The following RNF157 variants were observed in gnomAD, a reference collection of about 807,000 sequenced individuals.
The protein encoded by RNF157 is ring finger protein 157, also known as E3 ubiquitin ligase RNF157.
Under a neutral mutation model 88.3 loss-of-function variants are expected in RNF157, and 55 were observed. The observed-to-expected ratio is 0.62, with a 90% CI of 0.50 to 0.78. RNF157 has a LOEUF of 0.78. Ranked by LOEUF, RNF157 falls within the 30% of genes least tolerant of loss-of-function variation. The pLI is 0.00. For synonymous variants in RNF157, 334 were observed against 341.2 expected, an observed-to-expected ratio of 0.98 and a Z score of 0.23; for missense variants, 788 against 860.8, an observed-to-expected ratio of 0.92 and a Z score of 1.06.
intron 1 of RNF157, among the ~76,000 whole-genome samples, chr17:76,217,906 C>T (rs1005909127): frequency 6.6e-6 from 1 of 151,956 alleles, no homozygotes; most frequent in Non-Finnish European, 1.5e-5. Context: ...ATACGTAAAC[C>T]GTAAGGTATG....
At chr17:76,231,246 C>G (rs1163312972) in intron 1 of RNF157, among the ~76,000 whole-genome samples, 1 of 152,200 alleles carries the variant, frequency 6.6e-6, no homozygotes, top group Non-Finnish European at 1.5e-5. Flanking sequence ...ATCCGCCCGC[C>G]TCGGCCTCCC....
In RNF157 at chr17:76,167,014, C is replaced by T. The variant is rs2068937042; in HGVS notation, c.556G>A (p.Glu186Lys). 6.2e-7 allele frequency: 1 copy of T among 1,606,332 alleles called. No homozygotes were observed. Among genetic ancestry groups the T allele is most frequent in the Non-Finnish European group, 8.5e-7 (1 of 1,178,726 alleles). ...CCTCCCCAGAGGCAGCTCACCTCCT[C>T]TTCGGCCCACTCGGAGGGATCCACG... ...HTVDPSEWAE[E>K]ELGFDLDREV... The change falls in exon 5 of 19, where the codon GAG (glutamate) becomes AAG (lysine). Residue 186 changes from glutamate (E) to lysine (K), a missense_variant. Coordinates refer to ENST00000269391, the MANE Select transcript of RNF157 (RefSeq NM_052916.3).
chr17:76,198,887 T>C (rs1391607798), intron 2 of RNF157, among the ~76,000 whole-genome samples: 1 of 152,234 alleles, frequency 6.6e-6, no homozygotes, highest in African/African-American at 2.4e-5. Flanking sequence ...ATGCCACACC[T>C]GCTTATGCTG....
intron 1 of RNF157, among the ~76,000 whole-genome samples, chr17:76,216,099 A>G (rs1472784511): frequency 6.6e-6 from 1 of 152,218 alleles, no homozygotes; most frequent in African/African-American, 2.4e-5. Flanking sequence ...TAAAATTGGA[A>G]AAGTTAAAGA....
Position 76,164,774 on chromosome 17 carries a change from C to A in RNF157, c.694G>T (p.Val232Phe), listed in dbSNP as rs765545866. Residue 232 changes from valine to phenylalanine, a missense_variant, in exon 8 of 19, where the codon GTC becomes TTC. Physicochemically the swap from Val to Phe is conservative, Grantham distance 50. Coordinates refer to ENST00000269391, the MANE Select transcript of RNF157 (RefSeq NM_052916.3). ...ACTTGTTTCTGTTTGAGGGGCTTGACACAGAAAGTTCCATCTGTGTGCTGG... is the reference window on the plus strand; with the variant it reads ...ACTTGTTTCTGTTTGAGGGGCTTGAAACAGAAAGTTCCATCTGTGTGCTGG... Reference protein sequence around the residue: ...FEKHTDGTFCVKPLKQKQVVD... With the variant: ...FEKHTDGTFCFKPLKQKQVVD... 1 of 1,611,626 alleles carries A rather than the reference C, an allele frequency of 6.2e-7. No individual in the cohort carries two copies. Among genetic ancestry groups the A allele is most frequent in the Non-Finnish European group, 8.5e-7 (1 of 1,177,968 alleles).
At chr17:76,198,580 C>T (rs1186494824) in intron 2 of RNF157, among the ~76,000 whole-genome samples, 2 of 152,314 alleles carry the variant, frequency 1.3e-5, no homozygotes, top group African/African-American at 2.4e-5. Context: ...TAGGTTCTGC[C>T]GTATACGTCA....
At chr17:76,167,348 G>A (rs2068944151) in intron 4 of RNF157, among the ~76,000 whole-genome samples, 1 of 152,180 alleles carries the variant, frequency 6.6e-6, no homozygotes, top group African/African-American at 2.4e-5. Context: ...TTAACAGCAT[G>A]TTAAGGACCT....
chr17:76,218,941 TA>T (rs538539096), intron 1 of RNF157, among the ~76,000 whole-genome samples: 6 of 147,382 alleles, frequency 4.1e-5, no homozygotes, highest in East Asian at 2.0e-4. Flanking sequence ...CTCAAAAAAA[TA>T]AAAAAAAATA....
intron 1 of RNF157, among the ~76,000 whole-genome samples, chr17:76,214,711 G>A (rs1338806508): frequency 3.9e-5 from 6 of 152,044 alleles, no homozygotes; most frequent in African/African-American, 1.4e-4. Context: ...GTCATGGCAG[G>A]GCCCCTTTGC....
At chr17:76,235,965 C>T (rs2070276580) in intron 1 of RNF157, among the ~76,000 whole-genome samples, 1 of 152,176 alleles carries the variant, frequency 6.6e-6, no homozygotes. Flanking sequence ...GCTTTGATAA[C>T]ACCACTGCAC....
intron 3 of RNF157, among the ~76,000 whole-genome samples, chr17:76,169,859 G>A (rs1250676572): frequency 1.3e-5 from 2 of 152,220 alleles, no homozygotes; most frequent in Non-Finnish European, 1.5e-5. Flanking sequence ...GGGATTATAG[G>A]CGTGAGCCAC....
intron 18 of RNF157, among the ~76,000 whole-genome samples, chr17:76,148,786 G>C (rs551845065): frequency 6.6e-6 from 1 of 151,784 alleles, no homozygotes; most frequent in African/African-American, 2.4e-5. Context: ...GCCCAGGCTG[G>C]TCTCCAGCTC....
chr17:76,189,704 A>C (rs1055144329), intron 2 of RNF157, among the ~76,000 whole-genome samples: 6 of 152,162 alleles, frequency 3.9e-5, no homozygotes, highest in Non-Finnish European at 8.8e-5. Flanking sequence ...ATGGCTGAGG[A>C]AACAAAAGGG....
chr17:76,203,950 G>C (rs1430418103), intron 2 of RNF157, among the ~76,000 whole-genome samples: 3 of 151,272 alleles, frequency 2.0e-5, no homozygotes, highest in African/African-American at 4.9e-5. Context: ...TGTATTTTTA[G>C]TAGAGACGGG....
chr17:76,218,028 A>G (rs2069919310), intron 1 of RNF157, among the ~76,000 whole-genome samples: 1 of 152,222 alleles, frequency 6.6e-6, no homozygotes, highest in South Asian at 2.1e-4. Flanking sequence ...ATGTAACACT[A>G]ATGAATGCTT....
chr17:76,201,112 C>T (rs957393549), intron 2 of RNF157, among the ~76,000 whole-genome samples: 1 of 152,044 alleles, frequency 6.6e-6, no homozygotes, highest in Admixed American at 6.6e-5. Context: ...AGTATTTCCA[C>T]CTCTATTTTT....
rs1303639120 is a variant in RNF157, at chr17:76,201,542, T to A, written c.207+10822A>T. On this transcript the variant is annotated intron_variant, in intron 2 of 18. Transcript: ENST00000269391. ...AAAATAAAGAAAATTTTAGAAAATA[T>A]GAATTAAGAAGTGAATACCCCCCTT... Among the ~76,000 whole-genome samples the A allele has an allele frequency of 2.6e-5, 4 of 152,012 alleles. No homozygotes were observed. In the South Asian group the frequency reaches 8.3e-4, roughly 31 times the overall value.
chr17:76,187,586 TTTTA>T (rs906307813), intron 2 of RNF157, among the ~76,000 whole-genome samples: 2 of 151,858 alleles, frequency 1.3e-5, no homozygotes, highest in Non-Finnish European at 2.9e-5. Flanking sequence ...GATAGTTTTA[TTTTA>T]TTTATTTATT....
Position 76,160,180 on chromosome 17 carries a change from T to C in RNF157, c.1066-607A>G, listed in dbSNP as rs1254719027. 6.6e-6 allele frequency among the ~76,000 whole-genome samples: 1 copy of C among 152,192 alleles called. No individual in the cohort carries two copies. Among genetic ancestry groups the C allele is most frequent in the Non-Finnish European group, 1.5e-5 (1 of 68,028 alleles). On this transcript the variant is annotated intron_variant, in intron 11 of 18. Coordinates refer to ENST00000269391, the MANE Select transcript of RNF157 (RefSeq NM_052916.3). This position sits in a 1 kb window ranked among gnomAD's most constrained non-coding sequence, Gnocchi z 4.3. ...TTTATATATGTCCCCTTCTCATAGA[T>C]CCCCTAAGTTTTCTAACTATTCTCC...
Sources: allele counts gnomAD v4.1 joint callset (sites outside exome capture counted in the v4.1 genomes callset), GRCh38; gene constraint gnomAD v4.1.1; non-coding constraint Gnocchi (gnomAD v3.1); transcripts MANE v1.5; gene names NCBI Gene and HGNC (gene_info 2026-07-23, HGNC 2026-07-21).